SORCS3: variants seen among roughly 807,000 people sequenced by gnomAD.
SORCS3 encodes the protein sortilin related VPS10 domain containing receptor 3.
In SORCS3, 57 loss-of-function variants were observed where a neutral mutation model predicts 146.3. That is an observed-to-expected ratio of 0.39 (90% confidence interval 0.31 to 0.49). The LOEUF is 0.49. Ranked by LOEUF, SORCS3 falls within the 20% of genes least tolerant of loss-of-function variation. The probability of loss-of-function intolerance (pLI) is 0.92; values close to 1 mark genes in which losing one functional copy is unlikely to be tolerated. For synonymous variants in SORCS3, 653 were observed against 618.5 expected (o/e 1.06, Z -0.83); for missense variants, 1,341 against 1,575.5 (o/e 0.85, Z 2.52).
intron 3 of SORCS3, among the ~76,000 whole-genome samples, chr10:104,952,354 G>A (rs2019441416): frequency 6.8e-6 from 1 of 147,768 alleles, no homozygotes; most frequent in South Asian, 2.2e-4. Flanking sequence ...CTCAAAGTCT[G>A]GTCCACAGAC....
chr10:104,645,628 C>A (rs891675337), intron 1 of SORCS3, among the ~76,000 whole-genome samples: 1 of 152,122 alleles, frequency 6.6e-6, no homozygotes, highest in Non-Finnish European at 1.5e-5. Flanking sequence ...AATTAATGGG[C>A]CCAACACTGC....
intron 4 of SORCS3, among the ~76,000 whole-genome samples, chr10:105,021,372 A>C (rs532860774): frequency 3.9e-5 from 6 of 152,168 alleles, no homozygotes; most frequent in African/African-American, 1.4e-4. Flanking sequence ...TATGAACCCA[A>C]AACTTCCCAT....
intron 1 of SORCS3, among the ~76,000 whole-genome samples, chr10:104,803,391 T>A (rs1445040212): frequency 6.6e-6 from 1 of 152,104 alleles, no homozygotes; most frequent in African/African-American, 2.4e-5. Context: ...TCCCTTAGGG[T>A]TCCTCAGATT....
At chr10:105,253,005 C>A in intron 23 of SORCS3, 99 bp downstream of exon 23, 1 of 1,404,718 alleles carries the variant, frequency 7.1e-7, no homozygotes, top group Non-Finnish European at 9.7e-7. Flanking sequence ...GGCTCTCTTC[C>A]ATTACCCCAA....
intron 4 of SORCS3, among the ~76,000 whole-genome samples, chr10:104,995,127 C>A (rs1589584556): frequency 6.7e-6 from 1 of 148,806 alleles, no homozygotes; most frequent in African/African-American, 2.5e-5. Context: ...TTTGGCTTTT[C>A]TTTTTTCTTT....
rs142577595 is a variant in SORCS3 at position 104,958,854 on chromosome 10, AAGAG to A, written c.796-18472_796-18469del. ...CAAGGCACATCTTACATGGTGGCAG[AAGAG>A]AGAGAGAGGGAGGAAGTGCCACACT... On this transcript the variant is annotated intron_variant, in intron 3 of 26. Coordinates refer to ENST00000369701, the MANE Select transcript of SORCS3 (RefSeq NM_014978.3). 2.4e-3 allele frequency among the ~76,000 whole-genome samples: 360 copies of A among 152,020 alleles called. 2 individuals carry two copies. Among genetic ancestry groups the A allele is most frequent in the African/African-American group, 7.8e-3 (322 of 41,494 alleles).
intron 1 of SORCS3, among the ~76,000 whole-genome samples, chr10:104,793,953 C>T (rs575152542): frequency 3.3e-5 from 5 of 152,198 alleles, no homozygotes; most frequent in South Asian, 4.2e-4. Context: ...AATGGAATTT[C>T]GGGAATGACC....
intron 5 of SORCS3, among the ~76,000 whole-genome samples, chr10:105,051,138 T>C (rs879132956): frequency 2.6e-5 from 4 of 152,196 alleles, no homozygotes; most frequent in Non-Finnish European, 5.9e-5. Flanking sequence ...AAGAATATTG[T>C]TTATTGTAAA....
chr10:104,778,655 A>G (rs1346108413), intron 1 of SORCS3, among the ~76,000 whole-genome samples: 2 of 152,152 alleles, frequency 1.3e-5, no homozygotes, highest in Non-Finnish European at 2.9e-5. Context: ...TAATAATGAG[A>G]CCCAACGGTC....
intron 3 of SORCS3, among the ~76,000 whole-genome samples, chr10:104,935,754 G>T (rs2019253942): frequency 6.6e-6 from 1 of 152,098 alleles, no homozygotes; most frequent in Admixed American, 6.6e-5. Context: ...GGGTGGGTTG[G>T]GGAGGGTTTT....
chr10:104,720,189 A>G (rs2016529804), intron 1 of SORCS3, among the ~76,000 whole-genome samples: 1 of 147,970 alleles, frequency 6.8e-6, no homozygotes, highest in Admixed American at 6.8e-5. Flanking sequence ...ATGTGTTCTC[A>G]TTGTTCAGTT....
At chr10:105,137,511 A>G (rs1325547176) in intron 7 of SORCS3, among the ~76,000 whole-genome samples, 5 of 151,434 alleles carry the variant, frequency 3.3e-5, no homozygotes, top group African/African-American at 7.3e-5. Context: ...AAAAAACCCC[A>G]CCTTTCTCAT....
intron 4 of SORCS3, among the ~76,000 whole-genome samples, chr10:105,013,084 A>G (rs2055144431): frequency 6.6e-6 from 1 of 152,216 alleles, no homozygotes; most frequent in Non-Finnish European, 1.5e-5. Flanking sequence ...AATTTAGTAT[A>G]CTAAAGGTTT....
At chr10:105,080,631 A>G (rs1449562537) in intron 5 of SORCS3, among the ~76,000 whole-genome samples, 5 of 152,074 alleles carry the variant, frequency 3.3e-5, no homozygotes, top group African/African-American at 4.8e-5. Context: ...GTCCAGAATT[A>G]TATTTCCTAG....
At chr10:105,188,846 G>A (rs1278244453) in intron 14 of SORCS3, among the ~76,000 whole-genome samples, 1 of 152,200 alleles carries the variant, frequency 6.6e-6, no homozygotes, top group Non-Finnish European at 1.5e-5. Context: ...AGTAAAAGGA[G>A]TTGAAGCTGG....
intron 6 of SORCS3, among the ~76,000 whole-genome samples, chr10:105,097,521 A>G (rs1269602509): frequency 6.6e-6 from 1 of 152,250 alleles, no homozygotes; most frequent in Non-Finnish European, 1.5e-5. Context: ...TAGAGAGAGT[A>G]TTAACTCGAT....
In SORCS3 at chr10:104,742,235, C is replaced by T. The variant is rs187847158; in HGVS notation, c.627+100281C>T. On this transcript the variant is annotated intron_variant, in intron 1 of 26. Transcript: ENST00000369701. ...CATGCAGAAAGGCTGAAACCATCATCTCTTGAAGTTTCCCAGAAAATTGTT... is the reference window on the plus strand; with the variant it reads ...CATGCAGAAAGGCTGAAACCATCATTTCTTGAAGTTTCCCAGAAAATTGTT... Among the ~76,000 whole-genome samples the T allele has an allele frequency of 1.8e-4, 28 of 152,284 alleles. No individual in the cohort carries two copies. In the East Asian group the frequency reaches 5.4e-3, roughly 29 times the overall value.
At chr10:105,120,514 G>A (rs570716527) in intron 7 of SORCS3, among the ~76,000 whole-genome samples, 26 of 152,186 alleles carry the variant, frequency 1.7e-4, no homozygotes, top group Non-Finnish European at 3.2e-4. Flanking sequence ...GCAAGGGGTC[G>A]TTCTTTACAG....
chr10:105,231,956 T>C (rs1266646166), intron 20 of SORCS3, among the ~76,000 whole-genome samples: 1 of 152,140 alleles, frequency 6.6e-6, no homozygotes, highest in Non-Finnish European at 1.5e-5. Flanking sequence ...TATTGATCTT[T>C]AGTTTTCCTT....
Sources: gnomAD v4.1 joint callset for allele counts (sites outside exome capture counted in the v4.1 genomes callset) on GRCh38, gnomAD v4.1.1 for gene constraint, MANE v1.5 for transcripts, NCBI Gene and HGNC (gene_info 2026-07-23, HGNC 2026-07-21) for gene names.